RBM45: variants seen among roughly 807,000 people sequenced by gnomAD.
RBM45 encodes the protein RNA-binding protein 45.
In RBM45, 39 loss-of-function variants were observed where a neutral mutation model predicts 58.5. That is an observed-to-expected ratio of 0.67 (90% CI 0.52 to 0.87). The LOEUF (loss-of-function observed/expected upper bound fraction) is 0.87, where lower values mean the gene tolerates loss of function less well. Among genes scored for constraint, RBM45 ranks in the 40% least tolerant of loss-of-function variants. RBM45 has a pLI of 0.00. For synonymous variants in RBM45, 193 were observed against 203.0 expected (o/e 0.95, Z 0.42); for missense variants, 481 against 581.6 (o/e 0.83, Z 1.78).
At chr2:178,134,702 C>T (rs1197730629) in intron 3 of RBM45, among the ~76,000 whole-genome samples, 3 of 151,936 alleles carry the variant, frequency 2.0e-5, no homozygotes, top group Non-Finnish European at 4.4e-5. Flanking sequence ...GTCAACAAAG[C>T]CTATCTGGGC....
intron 9 of RBM45, among the ~76,000 whole-genome samples, chr2:178,127,424 A>G (rs535759880): frequency 3.3e-5 from 5 of 152,174 alleles, no homozygotes; most frequent in Non-Finnish European, 7.3e-5. Flanking sequence ...TGTGTGAGCT[A>G]GCACGTATGA....
At position 178,116,287 on chromosome 2, in the gene RBM45, C is replaced by T; in HGVS notation, c.326C>T (p.Ser109Phe). ...IKVFIAQSRS[S>F]GSHRDVEDEE... ...GTTTTCATTGCTCAGTCCCGATCATCTGGAAGTCACCGAGATGTTGAAGAT... is the reference window on the plus strand; with the variant it reads ...GTTTTCATTGCTCAGTCCCGATCATTTGGAAGTCACCGAGATGTTGAAGAT... Residue 109 changes from serine (S) to phenylalanine (F), a missense_variant, in exon 2 of 10, where the codon TCT (serine) becomes TTT (phenylalanine). By Grantham distance (155) the Ser-to-Phe change is radical (BLOSUM62 -2). Transcript: ENST00000286070. 1 of 1,611,396 alleles carries T rather than the reference C, an allele frequency of 6.2e-7. No homozygotes were observed. Among genetic ancestry groups the T allele is most frequent in the Non-Finnish European group, 8.5e-7 (1 of 1,178,948 alleles).
Position 178,134,890 on chromosome 2 carries a change from A to C in RBM45, c.*9-1573A>C, listed in dbSNP as rs146588022. On this transcript the variant is annotated intron_variant, in intron 3 of 3. Transcript: ENST00000455903. The stretch of plus-strand genomic sequence containing the variant: ...GTAATCCCAGCTACTAAGGAGGCTG[A>C]GGCGAGATAATCTCTTGGAGTAATC... Among the ~76,000 whole-genome samples the C allele has an allele frequency of 4.8e-3, 672 of 139,186 alleles. 7 individuals are homozygous for C. Among genetic ancestry groups the C allele is most frequent in the African/African-American group, 0.015 (619 of 40,972 alleles). 91.3% of individuals were successfully genotyped at this position (139,186 alleles called of 152,430 possible). A position where few individuals can be genotyped will look rare whatever the true frequency, so the allele number is the denominator to read the frequency against.
chr2:178,115,819 G>A (rs1477604283), intron 1 of RBM45, among the ~76,000 whole-genome samples: 2 of 152,086 alleles, frequency 1.3e-5, no homozygotes, highest in South Asian at 4.2e-4. Flanking sequence ...AATACATTTG[G>A]GAAAAACACA....
At chr2:178,138,052 G>A (rs1206713491) in exon 4 of RBM45, 1 of 152,120 alleles carries the variant, frequency 6.6e-6, no homozygotes, top group Non-Finnish European at 1.5e-5. Context: ...TAATATTTGA[G>A]TCAGAAATAG....
Position 178,118,173 on chromosome 2 carries a change from G to C in RBM45, c.542G>C (p.Cys181Ser). 1 of 1,610,844 alleles carries C rather than the reference G, an allele frequency of 6.2e-7. No individual in the cohort carries two copies. Among genetic ancestry groups the C allele is most frequent in the Non-Finnish European group, 8.5e-7 (1 of 1,178,392 alleles). The part of the protein sequence containing the change: ...PSQAAQAIEN[C>S]DRSFRAILAE... ...CAAGCTGCCCAAGCAATAGAAAACT[G>C]TGATCGAAGTAAGGATGTGTTTAAC... The change falls in exon 3 of 10, where the codon TGT becomes TCT. Residue 181 changes from cysteine (C) to serine (S), a missense_variant. Cys to Ser is a moderately radical substitution (Grantham distance 112). Transcript: ENST00000286070.
At chr2:178,138,858 T>C (rs1298344292) in exon 4 of RBM45, 1 of 152,018 alleles carries the variant, frequency 6.6e-6, no homozygotes, top group Non-Finnish European at 1.5e-5. Flanking sequence ...GGCAGTTTAT[T>C]TTTTGGGGGG....
Position 178,121,246 on chromosome 2 carries a change from G to A in RBM45, c.740G>A (p.Arg247His), listed in dbSNP as rs546729723. The A allele has an allele frequency of 3.4e-5, 54 of 1,587,118 alleles. No homozygotes were observed. Among genetic ancestry groups the A allele is most frequent in the Non-Finnish European group, 4.3e-5 (50 of 1,163,636 alleles). The change falls in exon 5 of 10, where the codon CGC becomes CAC. Residue 247 changes from arginine to histidine, a missense_variant. Transcript: ENST00000286070. Reference protein sequence around the residue: ...DSRGQEAISKRLSVVSRVPFT... With the variant: ...DSRGQEAISKHLSVVSRVPFT... ...CGAGGCCAGGAAGCAATCTCCAAAC[G>A]CTTGTCAGTTGTATCAAGAGTTCCT...
chr2:178,134,999 T>A (rs2088034248), intron 3 of RBM45, among the ~76,000 whole-genome samples: 1 of 152,172 alleles, frequency 6.6e-6, no homozygotes, highest in Non-Finnish European at 1.5e-5. Flanking sequence ...AGAGCAAGAC[T>A]CCATCTCAAA....
chr2:178,130,808 C>T (rs548868602), downstream of RBM45, among the ~76,000 whole-genome samples: 1 of 152,292 alleles, frequency 6.6e-6, no homozygotes, highest in East Asian at 1.9e-4. Context: ...TGGACATCTC[C>T]ATTGGAAAAC....
At chr2:178,119,682 A>T (rs2087823568) in intron 3 of RBM45, among the ~76,000 whole-genome samples, 1 of 152,210 alleles carries the variant, frequency 6.6e-6, no homozygotes, top group Non-Finnish European at 1.5e-5. Context: ...ATGTGAAGAA[A>T]ACTGAACCCT....
chr2:178,115,132 A>G (rs1198775063), intron 1 of RBM45, among the ~76,000 whole-genome samples: 2 of 152,208 alleles, frequency 1.3e-5, no homozygotes. Flanking sequence ...AAACCTAGAA[A>G]ACAGAAGAAA....
At chr2:178,115,784 G>C (rs149611802) in intron 1 of RBM45, among the ~76,000 whole-genome samples, 51 of 152,160 alleles carry the variant, frequency 3.4e-4, no homozygotes, top group African/African-American at 1.2e-3. Flanking sequence ...AAATTACTCT[G>C]GCTAAAAATA....
At chr2:178,129,228 C>T (rs1318552124) in intron 9 of RBM45, among the ~76,000 whole-genome samples, 169 bp from the exon 10 acceptor site, 1 of 152,200 alleles carries the variant, frequency 6.6e-6, no homozygotes, top group Admixed American at 6.5e-5. Context: ...GCACCTGCAT[C>T]GCCCTTCTTA....
At chr2:178,127,169 C>T (rs942428869) in intron 9 of RBM45, among the ~76,000 whole-genome samples, 2 of 152,104 alleles carry the variant, frequency 1.3e-5, no homozygotes, top group South Asian at 2.1e-4. Flanking sequence ...ATGATCCGCC[C>T]GCCTCGGCCT....
At chr2:178,122,232 G>GC (rs2087862372) in intron 5 of RBM45, among the ~76,000 whole-genome samples, 1 of 150,332 alleles carries the variant, frequency 6.7e-6, no homozygotes, top group Non-Finnish European at 1.5e-5. Context: ...GTAAATCTAA[G>GC]GGGTTTTTTT....
At chr2:178,115,556 A>G (rs1400856663) in intron 1 of RBM45, among the ~76,000 whole-genome samples, 1 of 152,202 alleles carries the variant, frequency 6.6e-6, no homozygotes, top group African/African-American at 2.4e-5. Flanking sequence ...GAAGTAGACT[A>G]TAAAGGGATA....
At position 178,123,898 on chromosome 2, in the gene RBM45, C is replaced by A; in HGVS notation, c.1054C>A (p.Gln352Lys). Residue 352 changes from glutamine to lysine, a missense_variant, in exon 7 of 10, where the codon CAG becomes AAG. Coordinates refer to ENST00000286070, the MANE Select transcript of RBM45 (RefSeq NM_152945.4). ...ATCAATGGTGTGGAATAACCCAAGT[C>A]AGCAACAATTTATGGTAAGTAGGTA... The part of the protein sequence containing the change: ...LASMVWNNPS[Q>K]QQFMQFGGSS... 1 of 1,613,832 alleles carries A rather than the reference C, an allele frequency of 6.2e-7. No individual in the cohort carries two copies. The highest frequency in any genetic ancestry group is 1.1e-5 in the South Asian group (1 of 91,052).
exon 4 of RBM45, chr2:178,136,978 A>T (rs1289407487): frequency 1.3e-5 from 2 of 152,208 alleles, no homozygotes; most frequent in Non-Finnish European, 1.5e-5. Flanking sequence ...GAAGACCAAG[A>T]AGAGGGCAGG....
Sources: gnomAD v4.1 joint callset for allele counts (sites outside exome capture counted in the v4.1 genomes callset) on GRCh38, gnomAD v4.1.1 for gene constraint, MANE v1.5 for transcripts, NCBI Gene and HGNC (gene_info 2026-07-23, HGNC 2026-07-21) for gene names.